Variants in FOCAD observed in about 807,000 individuals in gnomAD.
The protein encoded by FOCAD is KIAA1797.
A neutral mutation model predicts 225.6 loss-of-function variants in FOCAD; 198 were observed. The ratio of observed to expected loss-of-function variants is 0.88; its 90% CI spans 0.78 to 0.99. The LOEUF (loss-of-function observed/expected upper bound fraction) is 0.99. Ranked by LOEUF, FOCAD falls within the 50% of genes least tolerant of loss-of-function variation. The pLI, the probability that FOCAD is intolerant of heterozygous loss-of-function variation, is 0.00. For synonymous variants in FOCAD, 897 were observed against 755.0 expected (o/e 1.19, Z -3.08); for missense variants, 2,713 against 2,123.6 (o/e 1.28, Z -5.46).
intron 2 of FOCAD, among the ~76,000 whole-genome samples, chr9:20,669,151 A>C (rs2131273788): frequency 6.6e-6 from 1 of 152,242 alleles, no homozygotes; most frequent in East Asian, 1.9e-4. Flanking sequence ...CTTTGGAGTA[A>C]GGCAAGTGAG....
intron 7 of FOCAD, among the ~76,000 whole-genome samples, chr9:20,767,905 C>G (rs1399914522): frequency 6.6e-6 from 1 of 152,096 alleles, no homozygotes; most frequent in South Asian, 2.1e-4. Context: ...TTGCCCATGC[C>G]TATGTCCTGA....
intron 11 of FOCAD, among the ~76,000 whole-genome samples, chr9:20,791,038 T>C (rs1820474517): frequency 6.6e-6 from 1 of 152,206 alleles, no homozygotes; most frequent in Admixed American, 6.5e-5. Context: ...GTAGTGATCC[T>C]GCTTCTAACC....
chr9:20,914,819 A>T (rs1042844632), intron 23 of FOCAD, among the ~76,000 whole-genome samples: 2 of 152,204 alleles, frequency 1.3e-5, no homozygotes, highest in African/African-American at 4.8e-5. Context: ...TATGTTGAAA[A>T]TACACCCTGC....
At chr9:20,946,609 G>T in intron 29 of FOCAD, 92 bp from the exon 30 acceptor site, 2 of 1,384,592 alleles carry the variant, frequency 1.4e-6, no homozygotes, top group East Asian at 2.4e-5. Flanking sequence ...TCTTACTCTG[G>T]GGGGGAGTTT....
intron 18 of FOCAD, among the ~76,000 whole-genome samples, chr9:20,869,949 C>T (rs766060767): frequency 6.6e-6 from 1 of 152,042 alleles, no homozygotes; most frequent in African/African-American, 2.4e-5. Flanking sequence ...TCCCTTTTAG[C>T]TTTTATTTTT....
At chr9:20,677,580 CA>C (rs753417159) in intron 2 of FOCAD, among the ~76,000 whole-genome samples, 3 of 151,512 alleles carry the variant, frequency 2.0e-5, no homozygotes, top group African/African-American at 4.9e-5. Flanking sequence ...CCAAAGAAGA[CA>C]TACAAATGGC....
chr9:20,945,358 G>A (rs1837072181), intron 29 of FOCAD, among the ~76,000 whole-genome samples: 1 of 152,216 alleles, frequency 6.6e-6, no homozygotes, highest in Non-Finnish European at 1.5e-5. Flanking sequence ...TTGCCCAGGT[G>A]AAGCTGGACC....
chr9:20,709,969 C>G (rs1478581624), intron 1 of FOCAD, among the ~76,000 whole-genome samples: 1 of 152,174 alleles, frequency 6.6e-6, no homozygotes, highest in East Asian at 1.9e-4. Flanking sequence ...AGCTTCTTCA[C>G]TTCTATAATA....
intron 1 of FOCAD, among the ~76,000 whole-genome samples, chr9:20,693,218 C>A (rs1295866344): frequency 6.6e-6 from 1 of 152,208 alleles, no homozygotes; most frequent in Non-Finnish European, 1.5e-5. Context: ...GTTCTTCAGA[C>A]ATCTGAGGCA....
chr9:20,696,288 A>G (rs1382164352), intron 1 of FOCAD, among the ~76,000 whole-genome samples: 1 of 152,260 alleles, frequency 6.6e-6, no homozygotes, highest in Non-Finnish European at 1.5e-5. Context: ...AATGTATTGT[A>G]TAGTTGAAAT....
At chr9:20,967,041 CTT>C (rs1839328022) in intron 35 of FOCAD, among the ~76,000 whole-genome samples, 2 of 151,546 alleles carry the variant, frequency 1.3e-5, no homozygotes, top group African/African-American at 4.9e-5. Context: ...TGAGGATTGA[CTT>C]TTTCATTTCA....
At chr9:20,753,768 C>G (rs867537110) in intron 5 of FOCAD, among the ~76,000 whole-genome samples, 1 of 151,836 alleles carries the variant, frequency 6.6e-6, no homozygotes, top group Admixed American at 6.6e-5. Flanking sequence ...TGATAGTGTT[C>G]TGTAGCCACT....
At chr9:20,721,992 C>T (rs1195054725) in intron 4 of FOCAD, among the ~76,000 whole-genome samples, 6 of 88,882 alleles carry the variant, frequency 6.8e-5, no homozygotes, top group African/African-American at 1.9e-4. Context: ...TCCCTCCCTC[C>T]CTCCCTCCCT....
At chr9:20,675,053 T>G (rs1822192622) in intron 2 of FOCAD, among the ~76,000 whole-genome samples, 1 of 152,236 alleles carries the variant, frequency 6.6e-6, no homozygotes. Context: ...AATTGACTTC[T>G]TCCTTGTAAG....
chr9:20,923,101 T>A (rs1346716643), intron 24 of FOCAD, among the ~76,000 whole-genome samples: 1 of 152,108 alleles, frequency 6.6e-6, no homozygotes, highest in African/African-American at 2.4e-5. Context: ...ACAAACTGGG[T>A]TTAAGGTTGA....
intron 22 of FOCAD, among the ~76,000 whole-genome samples, chr9:20,911,503 A>T (rs555516998): frequency 3.3e-5 from 5 of 152,164 alleles, no homozygotes; most frequent in Non-Finnish European, 5.9e-5. Context: ...AATATGAATT[A>T]TTTCAGGAGA....
intron 6 of FOCAD, among the ~76,000 whole-genome samples, chr9:20,758,917 A>G (rs1330455199): frequency 6.6e-6 from 1 of 152,192 alleles, no homozygotes; most frequent in Non-Finnish European, 1.5e-5. Flanking sequence ...ACTTCAGCAA[A>G]GTCTCAGGAT....
At chr9:20,873,204 C>T (rs1331637410) in intron 18 of FOCAD, among the ~76,000 whole-genome samples, 2 of 152,038 alleles carry the variant, frequency 1.3e-5, no homozygotes, top group Admixed American at 6.6e-5. Flanking sequence ...AACTCCTAGG[C>T]CATGTAGTAA....
chr9:20,728,611 A>C (rs1488117404), intron 4 of FOCAD, among the ~76,000 whole-genome samples: 4 of 152,058 alleles, frequency 2.6e-5, no homozygotes, highest in East Asian at 1.9e-4. Context: ...ACCTTTTTGC[A>C]TTGTCTCTTG....
Sources: allele counts gnomAD v4.1 joint callset (sites outside exome capture counted in the v4.1 genomes callset), GRCh38; gene constraint gnomAD v4.1.1; transcripts MANE v1.5; gene names NCBI Gene and HGNC (gene_info 2026-07-23, HGNC 2026-07-21).